The following ATRNL1 variants were observed in gnomAD, a reference collection of about 807,000 sequenced individuals.
ATRNL1 encodes attractin-like protein 1.
ATRNL1 carries 95 observed loss-of-function variants against 182.7 expected under a neutral mutation model. That is an observed-to-expected ratio of 0.52 (90% CI 0.44 to 0.62). ATRNL1 has a LOEUF of 0.62. Ranked by LOEUF, ATRNL1 falls within the 20% of genes least tolerant of loss-of-function variation. The pLI is 0.00. For synonymous variants in ATRNL1, 576 were observed against 568.3 expected, an observed-to-expected ratio of 1.01 and a Z score of -0.19; for missense variants, 1,471 against 1,679.5, an observed-to-expected ratio of 0.88 and a Z score of 2.17.
chr10:115,517,618 T>C (rs1419738357), intron 24 of ATRNL1, among the ~76,000 whole-genome samples: 1 of 151,922 alleles, frequency 6.6e-6, no homozygotes, highest in Non-Finnish European at 1.5e-5. Context: ...TTCAAGCCTT[T>C]GTTCAAGGTC....
intron 18 of ATRNL1, among the ~76,000 whole-genome samples, chr10:115,333,223 A>G (rs1336461942): frequency 6.6e-6 from 1 of 152,208 alleles, no homozygotes; most frequent in African/African-American, 2.4e-5. Flanking sequence ...TTGGCCAAGC[A>G]GTTACCAGAC....
intron 26 of ATRNL1, among the ~76,000 whole-genome samples, chr10:115,568,221 T>A (rs1006531305): frequency 1.3e-5 from 2 of 152,088 alleles, no homozygotes; most frequent in Non-Finnish European, 2.9e-5. Flanking sequence ...TATGTGTTAT[T>A]TCAGCTAGAG....
intron 26 of ATRNL1, among the ~76,000 whole-genome samples, chr10:115,680,544 T>A (rs1565279013): frequency 6.6e-6 from 1 of 152,162 alleles, no homozygotes; most frequent in Non-Finnish European, 1.5e-5. Context: ...AGAAAACTCT[T>A]AAAGTATATG....
intron 26 of ATRNL1, among the ~76,000 whole-genome samples, chr10:115,630,809 TATATA>T (rs1359589163): frequency 4.4e-4 from 62 of 139,630 alleles, no homozygotes; most frequent in African/African-American, 1.2e-3. Context: ...ATTTAATAGA[TATATA>T]ATATATGTAT....
chr10:115,557,484 A>G (rs1458463514), intron 26 of ATRNL1, among the ~76,000 whole-genome samples: 3 of 152,206 alleles, frequency 2.0e-5, no homozygotes, highest in Admixed American at 6.5e-5. Flanking sequence ...AGCCAAGGAA[A>G]CACTGTATAA....
At chr10:115,753,346 C>A (rs112102208) in intron 27 of ATRNL1, among the ~76,000 whole-genome samples, 1 of 152,006 alleles carries the variant, frequency 6.6e-6, no homozygotes, top group African/African-American at 2.4e-5. Context: ...CCCCAACAGG[C>A]CCCAGTGTGT....
intron 7 of ATRNL1, among the ~76,000 whole-genome samples, chr10:115,169,786 C>T (rs1847212559): frequency 6.6e-6 from 1 of 152,024 alleles, no homozygotes; most frequent in Admixed American, 6.6e-5. Context: ...GATGTCTTTT[C>T]ATTTATTTAT....
At chr10:115,290,844 G>C (rs1374649586) in intron 15 of ATRNL1, among the ~76,000 whole-genome samples, 6 of 152,178 alleles carry the variant, frequency 3.9e-5, no homozygotes, top group Admixed American at 3.9e-4. Flanking sequence ...GATCTGACCA[G>C]GTGTGTCATT....
At chr10:115,553,778 G>A (rs1554996221) in intron 26 of ATRNL1, among the ~76,000 whole-genome samples, 1 of 151,352 alleles carries the variant, frequency 6.6e-6, no homozygotes, top group African/African-American at 2.4e-5. Context: ...CCAGACAAAA[G>A]TAATAATATT....
In ATRNL1 at chr10:115,266,914, G is replaced by T; in HGVS notation, c.1890G>T (p.Gly630=). 6.2e-7 allele frequency: 1 copy of T among 1,612,480 alleles called. No individual in the cohort carries two copies. Among genetic ancestry groups the T allele is most frequent in the East Asian group, 2.2e-5 (1 of 44,698 alleles). ...DEELCKNAGP[G]IKCVWNKNHC... Reference sequence around the variant, plus strand: ...AACTTTGTAAAAATGCTGGTCCAGGGATAAAATGTGTTTGGAATAAAAATC... The same window carrying T: ...AACTTTGTAAAAATGCTGGTCCAGGTATAAAATGTGTTTGGAATAAAAATC... Residue 630 remains glycine, a synonymous_variant, in exon 12 of 29, where the codon GGG becomes GGT. Coordinates refer to ENST00000355044, the MANE Select transcript of ATRNL1 (RefSeq NM_207303.4).
chr10:115,358,115 A>G (rs1465514573), intron 19 of ATRNL1, among the ~76,000 whole-genome samples: 1 of 151,646 alleles, frequency 6.6e-6, no homozygotes, highest in African/African-American at 2.4e-5. Context: ...TAGATGTTAC[A>G]GATTACCTGA....
chr10:115,674,621 A>T (rs539183751), intron 26 of ATRNL1, among the ~76,000 whole-genome samples: 1 of 152,242 alleles, frequency 6.6e-6, no homozygotes, highest in South Asian at 2.1e-4. Context: ...TTTTGTAAGT[A>T]CTTAACTGTG....
At chr10:115,431,300 G>C (rs1433085165) in intron 21 of ATRNL1, among the ~76,000 whole-genome samples, 5 of 151,920 alleles carry the variant, frequency 3.3e-5, no homozygotes, top group Non-Finnish European at 7.4e-5. Context: ...AGCTATGTGG[G>C]AGGCTGAGGC....
intron 26 of ATRNL1, among the ~76,000 whole-genome samples, chr10:115,695,658 T>A (rs1397944638): frequency 1.3e-5 from 2 of 152,090 alleles, no homozygotes; most frequent in African/African-American, 2.4e-5. Context: ...CTAAGGATAT[T>A]AAATTGAATA....
chr10:115,818,903 G>C (rs1950228992), intron 27 of ATRNL1, among the ~76,000 whole-genome samples: 1 of 152,144 alleles, frequency 6.6e-6, no homozygotes, highest in South Asian at 2.1e-4. Flanking sequence ...CACCCACACA[G>C]AGTCTATTGT....
At chr10:115,709,885 A>G (rs1316706131) in intron 26 of ATRNL1, among the ~76,000 whole-genome samples, 2 of 152,042 alleles carry the variant, frequency 1.3e-5, no homozygotes, top group Non-Finnish European at 2.9e-5. Flanking sequence ...TTACTTGACA[A>G]CTGATTGAAC....
chr10:115,340,665 T>A (rs1834303297), intron 19 of ATRNL1, among the ~76,000 whole-genome samples: 1 of 151,850 alleles, frequency 6.6e-6, no homozygotes, highest in Non-Finnish European at 1.5e-5. Context: ...CCCAGGCTTT[T>A]CTTTATTGGG....
In ATRNL1 at chr10:115,112,057, C is replaced by CA. The variant is rs200465560; in HGVS notation, c.294-8120dup. On this transcript the variant is annotated intron_variant, in intron 1 of 28. Transcript: ENST00000355044. ...TTTACAATAGCATCAAAAAACAAAA[C>CA]AAAAAAAACCCAAAAAAAAACTTAC... 1.2e-3 allele frequency among the ~76,000 whole-genome samples: 153 copies of CA among 132,062 alleles called. 3 individuals are homozygous for CA. In the East Asian group the frequency reaches 0.014, roughly 12 times the overall value. 86.6% of individuals were successfully genotyped at this position (132,062 alleles called of 152,430 possible).
intron 20 of ATRNL1, among the ~76,000 whole-genome samples, chr10:115,415,670 T>C (rs1007762165): frequency 5.3e-4 from 81 of 152,066 alleles, no homozygotes; most frequent in African/African-American, 1.9e-3. Context: ...ATTAACATCC[T>C]TTTTTTACTA....
Sources: allele counts gnomAD v4.1 joint callset (sites outside exome capture counted in the v4.1 genomes callset), GRCh38; gene constraint gnomAD v4.1.1; transcripts MANE v1.5; gene names NCBI Gene and HGNC (gene_info 2026-07-23, HGNC 2026-07-21).